Variants in LYRM4 observed in about 807,000 individuals in gnomAD.
LYRM4 encodes LYR motif containing 4.
In LYRM4, 9 loss-of-function variants were observed where a neutral mutation model predicts 11.7. The ratio of observed to expected loss-of-function variants is 0.77; its 90% CI spans 0.46 to 1.34. The LOEUF is 1.34. Among genes scored for constraint, LYRM4 ranks in the 40% most tolerant of loss-of-function variants. The probability of loss-of-function intolerance (pLI) is 0.00; values close to 1 mark genes in which losing one functional copy is unlikely to be tolerated. For missense variants in LYRM4, 133 were observed against 112.5 expected (o/e 1.18, Z -0.82); for synonymous variants, 42 against 40.4 (o/e 1.04, Z -0.15).
At chr6:5,049,148 G>C in the LYRM4 span, among the ~76,000 whole-genome samples, 2 of 152,162 alleles carry the variant, frequency 1.3e-5, no homozygotes, top group Non-Finnish European at 2.9e-5. Context: ...CTGTGAGACA[G>C]ACCTGGTATT....
At chr6:5,096,559 C>A in the LYRM4 span, among the ~76,000 whole-genome samples, 5 of 152,168 alleles carry the variant, frequency 3.3e-5, no homozygotes, top group African/African-American at 9.7e-5. Flanking sequence ...GTACCCTTAG[C>A]TATGGGGGAG....
chr6:5,145,524 T>G (rs183341449), intron 2 of LYRM4, among the ~76,000 whole-genome samples: 2 of 152,306 alleles, frequency 1.3e-5, no homozygotes. Context: ...GGCTGCGGAA[T>G]TTCTCTGCCA....
Position 5,176,642 on chromosome 6 carries a change from G to A in LYRM4, c.207+39976C>T, listed in dbSNP as rs916614091. The stretch of plus-strand genomic sequence containing the variant: ...TGTGGTTTAGAAATAAGTCTTGGCT[G>A]TTACTGAGGCCTGAAGCACTGAAGG... On this transcript the variant is annotated intron_variant, in intron 2 of 2. Coordinates refer to ENST00000330636, the MANE Select transcript of LYRM4 (RefSeq NM_020408.6). Among the ~76,000 whole-genome samples the A allele has an allele frequency of 2.7e-4, 41 of 152,320 alleles. No homozygotes were observed. In the East Asian group the frequency reaches 6.4e-3, roughly 24 times the overall value.
At chr6:5,245,113 A>AATATATAT (rs1158676783) in intron 1 of LYRM4, among the ~76,000 whole-genome samples, 12 of 24,118 alleles carry the variant, frequency 5.0e-4, no homozygotes, top group East Asian at 1.8e-3. Flanking sequence ...AAAAAAAAAA[A>AATATATAT]ATATATATAT....
At chr6:5,163,638 T>G (rs1758899595) in intron 2 of LYRM4, among the ~76,000 whole-genome samples, 2 of 116,466 alleles carry the variant, frequency 1.7e-5, no homozygotes, top group African/African-American at 7.0e-5. Flanking sequence ...TTTTTTTTTT[T>G]GAGATAGAGT....
intron 2 of LYRM4, among the ~76,000 whole-genome samples, chr6:5,162,053 C>A (rs1758791080): frequency 6.6e-6 from 1 of 152,140 alleles, no homozygotes; most frequent in Admixed American, 6.5e-5. Context: ...CCTCCCCAAC[C>A]CAGCCACAAC....
intron 2 of LYRM4, among the ~76,000 whole-genome samples, chr6:5,122,946 C>T (rs1179071707): frequency 6.6e-6 from 1 of 152,206 alleles, no homozygotes; most frequent in Admixed American, 6.5e-5. Flanking sequence ...TACGCGACAT[C>T]CACGGACTTG....
chr6:5,081,016 G>A, the LYRM4 span, among the ~76,000 whole-genome samples: 14 of 152,026 alleles, frequency 9.2e-5, no homozygotes, highest in African/African-American at 3.4e-4. Context: ...GGGGTGGCTT[G>A]TTATGCAGCA....
chr6:5,206,823 C>T (rs1761724010), intron 2 of LYRM4, among the ~76,000 whole-genome samples: 1 of 152,158 alleles, frequency 6.6e-6, no homozygotes, highest in African/African-American at 2.4e-5. Flanking sequence ...CATTCTGGTA[C>T]CACATTTTAG....
chr6:5,085,648 G>C, the LYRM4 span: 1 of 1,548,884 alleles, frequency 6.5e-7, no homozygotes, highest in Non-Finnish European at 8.7e-7. Context: ...CGCTCAGCTA[G>C]GGGATAGGCC....
chr6:5,226,761 A>G (rs1169144047), intron 1 of LYRM4, among the ~76,000 whole-genome samples: 1 of 152,260 alleles, frequency 6.6e-6, no homozygotes, highest in East Asian at 1.9e-4. Flanking sequence ...AGGAAAAATT[A>G]GAAGGAAATA....
chr6:5,144,901 C>T (rs761361879), intron 2 of LYRM4, among the ~76,000 whole-genome samples: 40 of 152,178 alleles, frequency 2.6e-4, no homozygotes, highest in Admixed American at 3.3e-4. Flanking sequence ...TGTGCTGAGA[C>T]GCTTTGACGC....
chr6:5,193,029 C>CA (rs1760853457), intron 2 of LYRM4, among the ~76,000 whole-genome samples: 1 of 151,986 alleles, frequency 6.6e-6, no homozygotes, highest in East Asian at 1.9e-4. Flanking sequence ...GTCTCAAAAA[C>CA]AAAAAACAAA....
the LYRM4 span, among the ~76,000 whole-genome samples, chr6:5,040,035 T>G: frequency 3.9e-5 from 6 of 152,132 alleles, no homozygotes; most frequent in Non-Finnish European, 5.9e-5. Context: ...ATAGATCAAT[T>G]AGATAGCCAT....
intron 2 of LYRM4, among the ~76,000 whole-genome samples, chr6:5,169,688 G>T (rs1304631548): frequency 6.6e-6 from 1 of 152,088 alleles, no homozygotes; most frequent in African/African-American, 2.4e-5. Context: ...AGTGATTCTT[G>T]TCTTGGGATA....
the LYRM4 span, among the ~76,000 whole-genome samples, chr6:5,078,450 G>A: frequency 6.6e-6 from 1 of 152,064 alleles, no homozygotes; most frequent in Admixed American, 6.6e-5. Flanking sequence ...TCATCCCATA[G>A]GGCTGTATGA....
chr6:5,090,995 TTTA>T, the LYRM4 span, among the ~76,000 whole-genome samples: 1 of 152,218 alleles, frequency 6.6e-6, no homozygotes, highest in African/African-American at 2.4e-5. The surrounding 1 kb of genome is among the most constrained non-coding windows in gnomAD (Gnocchi z 4.8). Context: ...TTTCTTTTTT[TTTA>T]TTAATGGCAT....
intron 2 of LYRM4, among the ~76,000 whole-genome samples, chr6:5,176,064 TTAA>T (rs1258560181): frequency 1.2e-5 from 1 of 86,548 alleles, no homozygotes; most frequent in Admixed American, 1.2e-4. Flanking sequence ...TATTACGCTA[TTAA>T]TTTTTTTTTT....
At chr6:5,148,764 T>C (rs1757924950) in intron 2 of LYRM4, among the ~76,000 whole-genome samples, 1 of 152,138 alleles carries the variant, frequency 6.6e-6, no homozygotes, top group African/African-American at 2.4e-5. Flanking sequence ...TTGTCTGAAA[T>C]CATTTTCCAT....
Sources: allele counts gnomAD v4.1 joint callset (sites outside exome capture counted in the v4.1 genomes callset), GRCh38; gene constraint gnomAD v4.1.1; non-coding constraint Gnocchi (gnomAD v3.1); transcripts MANE v1.5; gene names NCBI Gene and HGNC (gene_info 2026-07-23, HGNC 2026-07-21).